Variants in SKAP1 observed in about 807,000 individuals in gnomAD.
SKAP1 encodes the protein src kinase associated phosphoprotein 1, also known as src kinase-associated phosphoprotein 1.
SKAP1 carries 44 observed loss-of-function variants against 58.5 expected under a neutral mutation model. That is an observed-to-expected ratio of 0.75 (90% CI 0.59 to 0.97). The LOEUF is 0.97. Among genes scored for constraint, SKAP1 ranks in the 50% least tolerant of loss-of-function variants. The pLI is 0.00. For missense variants in SKAP1, 390 were observed against 435.2 expected (o/e 0.90, Z 0.92); for synonymous variants, 127 against 149.7 (o/e 0.85, Z 1.11).
chr17:48,312,996 G>C (rs1293639544), intron 4 of SKAP1, among the ~76,000 whole-genome samples: 4 of 152,112 alleles, frequency 2.6e-5, no homozygotes, highest in African/African-American at 9.7e-5. Flanking sequence ...AGGAGAAAAT[G>C]CTCCATTAAG....
At chr17:48,353,323 T>C (rs1160057726) in intron 3 of SKAP1, among the ~76,000 whole-genome samples, 1 of 152,214 alleles carries the variant, frequency 6.6e-6, no homozygotes, top group African/African-American at 2.4e-5. Flanking sequence ...ATGTGTTTCC[T>C]TTCTGGCACC....
chr17:48,319,960 C>T (rs1436364000), intron 4 of SKAP1, among the ~76,000 whole-genome samples: 2 of 151,942 alleles, frequency 1.3e-5, no homozygotes, highest in Admixed American at 6.6e-5. Flanking sequence ...TATGTGATAA[C>T]CAATATGATA....
chr17:48,153,516 T>C (rs564459392), intron 11 of SKAP1, among the ~76,000 whole-genome samples: 9 of 152,304 alleles, frequency 5.9e-5, no homozygotes, highest in African/African-American at 2.2e-4. Flanking sequence ...GAAAACACCA[T>C]CATCATCATC....
At chr17:48,358,984 A>G (rs979587647) in intron 3 of SKAP1, among the ~76,000 whole-genome samples, 1 of 152,098 alleles carries the variant, frequency 6.6e-6, no homozygotes, top group African/African-American at 2.4e-5. Context: ...CATTAACTTG[A>G]ACAACAATTT....
intron 2 of SKAP1, among the ~76,000 whole-genome samples, chr17:48,395,121 T>C (rs1344979402): frequency 3.3e-5 from 5 of 152,214 alleles, no homozygotes; most frequent in African/African-American, 1.2e-4. Flanking sequence ...CTCTATCCCA[T>C]GACAAATTCA....
At chr17:48,354,938 TGTTA>T (rs2066855696) in intron 3 of SKAP1, among the ~76,000 whole-genome samples, 1 of 152,234 alleles carries the variant, frequency 6.6e-6, no homozygotes, top group African/African-American at 2.4e-5. Context: ...CATGAAAGTT[TGTTA>T]GAGGCACAAG....
intron 10 of SKAP1, among the ~76,000 whole-genome samples, chr17:48,164,262 C>T (rs994901026): frequency 3.3e-5 from 5 of 152,150 alleles, no homozygotes; most frequent in African/African-American, 1.2e-4. Context: ...TGACTAAACT[C>T]AGGAATGAAA....
At chr17:48,199,985 A>G (rs1279977235) in intron 4 of SKAP1, among the ~76,000 whole-genome samples, 2 of 151,994 alleles carry the variant, frequency 1.3e-5, no homozygotes, top group Non-Finnish European at 2.9e-5. Flanking sequence ...AGGTAAGAAG[A>G]GTAAGAATTA....
intron 2 of SKAP1, chr17:48,380,477 C>T (rs1223985127): frequency 1.3e-5 from 2 of 152,180 alleles, no homozygotes; most frequent in Admixed American, 6.5e-5. Context: ...AAGATTTGTA[C>T]ACACTTTCCT....
At chr17:48,330,859 T>C (rs548523201) in intron 4 of SKAP1, among the ~76,000 whole-genome samples, 24 of 151,430 alleles carry the variant, frequency 1.6e-4, no homozygotes, top group Middle Eastern at 3.5e-3. Flanking sequence ...AGTAACCAAG[T>C]AAAGAGAGCT....
intron 10 of SKAP1, among the ~76,000 whole-genome samples, chr17:48,163,636 G>A (rs146588528): frequency 1.8e-3 from 276 of 152,180 alleles, no homozygotes; most frequent in African/African-American, 6.3e-3. Flanking sequence ...ACATGATTTT[G>A]GGGGACTCTG....
chr17:48,387,090 C>A (rs1487371779), intron 2 of SKAP1, among the ~76,000 whole-genome samples: 1 of 152,206 alleles, frequency 6.6e-6, no homozygotes, highest in Non-Finnish European at 1.5e-5. Flanking sequence ...TCACACTGCA[C>A]ACTCAAAAAT....
At chr17:48,186,083 C>T (rs1598406591) in intron 6 of SKAP1, 1 of 151,982 alleles carries the variant, frequency 6.6e-6, no homozygotes, top group South Asian at 2.1e-4. Context: ...GATATGCCAA[C>T]CACTTATTTA....
chr17:48,193,276 C>T (rs1187066952), intron 4 of SKAP1, among the ~76,000 whole-genome samples: 2 of 152,110 alleles, frequency 1.3e-5, no homozygotes, highest in Non-Finnish European at 2.9e-5. Flanking sequence ...CTCCTGACCC[C>T]AGGGGATCCA....
chr17:48,351,740 T>A (rs941956686), intron 3 of SKAP1, among the ~76,000 whole-genome samples: 1 of 152,114 alleles, frequency 6.6e-6, no homozygotes, highest in Non-Finnish European at 1.5e-5. Flanking sequence ...TTAAGAACCT[T>A]TAGAGATAAC....
chr17:48,308,999 T>G (rs2066185942), intron 4 of SKAP1, among the ~76,000 whole-genome samples: 1 of 152,166 alleles, frequency 6.6e-6, no homozygotes, highest in Non-Finnish European at 1.5e-5. Context: ...AAGTATCATT[T>G]TTTTTGATAC....
At chr17:48,345,863 G>T (rs1384886053) in intron 4 of SKAP1, 42 bp downstream of exon 4, 3 of 1,348,468 alleles carry the variant, frequency 2.2e-6, no homozygotes, top group Non-Finnish European at 2.1e-6. Flanking sequence ...AGAAGATAAT[G>T]AAGTATGGTA....
chr17:48,337,782 A>C (rs2066593629), intron 4 of SKAP1, among the ~76,000 whole-genome samples: 1 of 152,202 alleles, frequency 6.6e-6, no homozygotes, highest in African/African-American at 2.4e-5. Flanking sequence ...ACTTGACTGA[A>C]ACTTGCAAGA....
At chr17:48,342,703 AAAAT>A (rs1321558288) in intron 4 of SKAP1, among the ~76,000 whole-genome samples, 1 of 152,224 alleles carries the variant, frequency 6.6e-6, no homozygotes, top group African/African-American at 2.4e-5. Context: ...CGAGAAGCCT[AAAAT>A]AACTGTCATT....
Sources: allele counts gnomAD v4.1 joint callset (sites outside exome capture counted in the v4.1 genomes callset), GRCh38; gene constraint gnomAD v4.1.1; transcripts MANE v1.5; gene names NCBI Gene and HGNC (gene_info 2026-07-23, HGNC 2026-07-21).